Variants in FAM135B observed in about 807,000 individuals in gnomAD.
FAM135B encodes family with sequence similarity 135 member B, also known as protein FAM135B.
Under a neutral mutation model 127.7 loss-of-function variants are expected in FAM135B, and 43 were observed. That is an observed-to-expected ratio of 0.34 (90% CI 0.26 to 0.43). FAM135B has a LOEUF of 0.43. Among genes scored for constraint, FAM135B ranks in the 20% least tolerant of loss-of-function variants. FAM135B has a pLI of 1.00. For missense variants in FAM135B, 1,558 were observed against 1,725.6 expected (o/e 0.90, Z 1.72); for synonymous variants, 670 against 665.1 (o/e 1.01, Z -0.11).
intron 3 of FAM135B, among the ~76,000 whole-genome samples, chr8:138,290,131 T>A (rs1457979612): frequency 1.3e-5 from 2 of 152,174 alleles, no homozygotes; most frequent in Non-Finnish European, 2.9e-5. Context: ...TCATGAATCA[T>A]CACCGAGTCC....
chr8:138,181,803 G>A (rs954908291), intron 9 of FAM135B, among the ~76,000 whole-genome samples: 3 of 152,042 alleles, frequency 2.0e-5, no homozygotes, highest in African/African-American at 7.2e-5. Context: ...AATGCTCCGC[G>A]TGTAAGTCTA....
intron 11 of FAM135B, among the ~76,000 whole-genome samples, chr8:138,171,464 C>A (rs1820434714): frequency 6.6e-6 from 1 of 152,208 alleles, no homozygotes; most frequent in Non-Finnish European, 1.5e-5. Flanking sequence ...CTGATTGATT[C>A]ATAATGCTTA....
Position 138,152,123 on chromosome 8 carries a change from T to C in FAM135B, c.2352A>G (p.Glu784=), listed in dbSNP as rs1818219454. ...CATCTTGCTGCTTGGTGTCCGCATC[T>C]TCAGCAGCCTCCTCTGGGCTACTGA... is the stretch of plus-strand genomic sequence containing the variant. ...PHISSPEEAA[E]DADTKQQDGG... Residue 784 remains glutamate, a synonymous_variant, in exon 13 of 20, where the codon GAA becomes GAG. Transcript: ENST00000395297. 6.2e-7 allele frequency: 1 copy of C among 1,613,984 alleles called. No individual in the cohort carries two copies. Among genetic ancestry groups the C allele is most frequent in the Non-Finnish European group, 8.5e-7 (1 of 1,180,036 alleles).
At chr8:138,199,964 G>A (rs887954046) in intron 7 of FAM135B, among the ~76,000 whole-genome samples, 1 of 152,212 alleles carries the variant, frequency 6.6e-6, no homozygotes, top group East Asian at 1.9e-4. Context: ...TAGCAGGGAA[G>A]TGTAACCTTG....
intron 11 of FAM135B, among the ~76,000 whole-genome samples, chr8:138,173,674 C>T (rs2130939568): frequency 6.6e-6 from 1 of 152,288 alleles, no homozygotes; most frequent in South Asian, 2.1e-4. Context: ...CTATTGTGGT[C>T]AACCCTACGG....
chr8:138,143,681 A>G (rs1049719004), intron 15 of FAM135B, among the ~76,000 whole-genome samples: 5 of 152,214 alleles, frequency 3.3e-5, no homozygotes, highest in Admixed American at 3.3e-4. Context: ...CAAGGAAGAT[A>G]TATTAGATTG....
chr8:138,478,885 G>C (rs1814642605), intron 1 of FAM135B, among the ~76,000 whole-genome samples: 1 of 152,142 alleles, frequency 6.6e-6, no homozygotes, highest in African/African-American at 2.4e-5. Flanking sequence ...CTAACCGCCT[G>C]GGGTCAGTGC....
chr8:138,250,503 C>T (rs1197479984), intron 6 of FAM135B, among the ~76,000 whole-genome samples: 2 of 152,132 alleles, frequency 1.3e-5, no homozygotes, highest in Non-Finnish European at 2.9e-5. Flanking sequence ...AGATGGGACA[C>T]ACATTAGTGT....
intron 2 of FAM135B, among the ~76,000 whole-genome samples, chr8:138,325,666 T>C (rs1827756329): frequency 6.6e-6 from 1 of 152,184 alleles, no homozygotes. Context: ...ATGCCTTTTG[T>C]ACATAAACTT....
intron 2 of FAM135B, among the ~76,000 whole-genome samples, chr8:138,335,370 ATGG>A (rs2131018967): frequency 6.6e-6 from 1 of 152,316 alleles, no homozygotes; most frequent in East Asian, 1.9e-4. Flanking sequence ...GTTGTGCAAT[ATGG>A]CATACGTAAT....
At chr8:138,335,623 A>G (rs1049151245) in intron 2 of FAM135B, among the ~76,000 whole-genome samples, 8 of 152,324 alleles carry the variant, frequency 5.3e-5, no homozygotes, top group Non-Finnish European at 2.9e-5. Flanking sequence ...CTTAGAGACT[A>G]CAAAGAGACT....
intron 3 of FAM135B, among the ~76,000 whole-genome samples, chr8:138,306,958 G>A (rs1253927253): frequency 6.6e-6 from 1 of 152,154 alleles, no homozygotes; most frequent in Non-Finnish European, 1.5e-5. Flanking sequence ...TCTTGGTCCT[G>A]AGCTGGTTGT....
chr8:138,277,248 C>T (rs570354920), intron 3 of FAM135B, among the ~76,000 whole-genome samples: 3 of 152,328 alleles, frequency 2.0e-5, no homozygotes, highest in Admixed American at 6.5e-5. Flanking sequence ...GCTCCTCTCT[C>T]TGCTGCTAAT....
At chr8:138,383,191 G>A (rs1321370921) in intron 1 of FAM135B, among the ~76,000 whole-genome samples, 1 of 152,186 alleles carries the variant, frequency 6.6e-6, no homozygotes, top group Non-Finnish European at 1.5e-5. Flanking sequence ...TCAGGCCCAG[G>A]AGCTCTGATG....
At position 138,360,851 on chromosome 8, in the gene FAM135B, C is replaced by T. The variant is rs555986697; in HGVS notation, c.77+7056G>A. On this transcript the variant is annotated intron_variant, in intron 2 of 19. Transcript: ENST00000395297. ...GTCACCCAGGGAACATATTAAAACA[C>T]GGTCTCCTAAGCCCCTCAACCAGAG... Among the ~76,000 whole-genome samples, 81 of 152,168 alleles carry T rather than the reference C, an allele frequency of 5.3e-4. 1 individual carries two copies. The highest frequency in any genetic ancestry group is 1.7e-3 in the South Asian group (8 of 4,818).
intron 1 of FAM135B, among the ~76,000 whole-genome samples, chr8:138,426,581 TATC>T (rs1461778651): frequency 1.3e-5 from 2 of 151,388 alleles, no homozygotes; most frequent in South Asian, 4.2e-4. Context: ...AGAATGCTAT[TATC>T]ATTTTTATCA....
intron 2 of FAM135B, among the ~76,000 whole-genome samples, chr8:138,332,817 C>A (rs1198784853): frequency 6.6e-6 from 1 of 152,068 alleles, no homozygotes; most frequent in Non-Finnish European, 1.5e-5. Flanking sequence ...AAACAGCTGG[C>A]GGCGCTTTCT....
chr8:138,457,904 G>A (rs1486759314), intron 1 of FAM135B, among the ~76,000 whole-genome samples: 1 of 151,234 alleles, frequency 6.6e-6, no homozygotes, highest in Non-Finnish European at 1.5e-5. Context: ...TTGATCCTAG[G>A]AGGCAAAGCT....
chr8:138,138,839 C>T, intron 18 of FAM135B, 147 bp downstream of exon 18: 1 of 585,028 alleles, frequency 1.7e-6, no homozygotes, highest in East Asian at 2.9e-5. Flanking sequence ...TGTTGGCCTC[C>T]CAATGAGCCA....
Sources: allele counts gnomAD v4.1 joint callset (sites outside exome capture counted in the v4.1 genomes callset), GRCh38; gene constraint gnomAD v4.1.1; transcripts MANE v1.5; gene names NCBI Gene and HGNC (gene_info 2026-07-23, HGNC 2026-07-21).